LRP5: variants seen among roughly 807,000 people sequenced by gnomAD.
The protein encoded by LRP5 is low-density lipoprotein receptor-related protein 5.
A neutral mutation model predicts 154.1 loss-of-function variants in LRP5; 62 were observed. The observed-to-expected ratio is 0.40, with a 90% CI of 0.33 to 0.50. The LOEUF is 0.50. Among genes scored for constraint, LRP5 ranks in the 20% least tolerant of loss-of-function variants. The pLI, the probability that LRP5 is intolerant of heterozygous loss-of-function variation, is 0.55. For missense variants in LRP5, 1,915 were observed against 2,336.7 expected (o/e 0.82, Z 3.72); for synonymous variants, 966 against 1,011.5 (o/e 0.96, Z 0.85).
At chr11:68,383,276 G>A (rs1204770219) in intron 5 of LRP5, among the ~76,000 whole-genome samples, 3 of 152,216 alleles carry the variant, frequency 2.0e-5, no homozygotes, top group East Asian at 1.9e-4. Context: ...TGGCACTGGC[G>A]TTCTCTGTGG....
chr11:68,442,052 T>TC (rs1384718270), intron 21 of LRP5, among the ~76,000 whole-genome samples: 1 of 152,200 alleles, frequency 6.6e-6, no homozygotes, highest in Non-Finnish European at 1.5e-5. Flanking sequence ...TTCTTCTATG[T>TC]CCCCCCAGGG....
At chr11:68,422,470 G>C (rs2098666320) in intron 13 of LRP5, among the ~76,000 whole-genome samples, 1 of 152,202 alleles carries the variant, frequency 6.6e-6, no homozygotes, top group Non-Finnish European at 1.5e-5. Flanking sequence ...AAAGGAACCA[G>C]ATCCCCGCAG....
At position 68,325,875 on chromosome 11, in the gene LRP5, A is replaced by G. The variant is rs368017257; in HGVS notation, c.91+13070A>G. Among the ~76,000 whole-genome samples the G allele has an allele frequency of 2.1e-3, 324 of 152,334 alleles. 16 individuals carry two copies. The South Asian group carries it at 0.062, about 29-fold the overall frequency. On this transcript the variant is annotated intron_variant, in intron 1 of 22. Coordinates refer to ENST00000294304, the MANE Select transcript of LRP5 (RefSeq NM_002335.4). ...TGAGGCTGCAGAGAGGCAGCGTTGAAAAGTACCTAGCTCAGGGCCTGGCTC... is the reference window on the plus strand; with the variant it reads ...TGAGGCTGCAGAGAGGCAGCGTTGAGAAGTACCTAGCTCAGGGCCTGGCTC...
chr11:68,446,702 C>A (rs952899422), intron 22 of LRP5, among the ~76,000 whole-genome samples, 169 bp downstream of exon 22: 1 of 152,210 alleles, frequency 6.6e-6, no homozygotes, highest in Non-Finnish European at 1.5e-5. Context: ...GGCTGCCTCC[C>A]CAGACAAGCT....
rs1213224630 is a variant in LRP5 at position 68,436,873 on chromosome 11, T to G, written c.4001-16T>G. 1 of 1,604,938 alleles carries G rather than the reference T, an allele frequency of 6.2e-7. No homozygotes were observed. The highest frequency in any genetic ancestry group is 1.1e-5 in the South Asian group (1 of 90,922). ...GCACCCTCCAGCCTCTCTGAGTGCA[T>G]GGCCTCTCCTTGCAGCCATCTGCCT... On this transcript the variant is annotated splice_polypyrimidine_tract_variant and intron_variant, in intron 18 of 22. Coordinates refer to ENST00000294304, the MANE Select transcript of LRP5 (RefSeq NM_002335.4).
rs2153153067 is a variant in LRP5, at chr11:68,386,358, G to A, written c.1058G>A (p.Arg353Gln). 4.3e-6 allele frequency: 7 copies of A among 1,613,334 alleles called. No individual in the cohort carries two copies. The highest frequency in any genetic ancestry group is 1.1e-5 in the South Asian group (1 of 91,070). The part of the protein sequence containing the change: ...VLLLARRTDL[R>Q]RISLDTPDFT... ...CTGCTGGCCCGGCGGACGGACCTAC[G>A]GAGGATCTCGCTGGACACGCCGGAC... The change falls in exon 6 of 23, where the codon CGG becomes CAG. Residue 353 changes from arginine to glutamine, a missense_variant. Transcript: ENST00000294304. This position sits in a 1 kb window ranked among gnomAD's most constrained non-coding sequence, Gnocchi z 7.9.
At chr11:68,310,423 C>A (rs1018378253), upstream of LRP5, among the ~76,000 whole-genome samples, 5 of 152,154 alleles carry the variant, frequency 3.3e-5, no homozygotes, top group South Asian at 8.3e-4. Flanking sequence ...AGTTCAAGAC[C>A]AGCCAGACCA....
rs1428706916 is a variant in LRP5, at chr11:68,439,905, C to A, written c.4477C>A (p.Leu1493Met). Residue 1493 changes from leucine to methionine, a missense_variant, in exon 21 of 23, where the codon CTG becomes ATG. By Grantham distance (15) the Leu-to-Met change is conservative. Coordinates refer to ENST00000294304, the MANE Select transcript of LRP5 (RefSeq NM_002335.4). ...CAGCTCGTCCAGCACGAAGGCCACG[C>A]TGTACCCGCCGGTGAGGGGCGGGGC... ...SSSSSSTKAT[L>M]YPPILNPPPS... is the part of the protein sequence containing the mutation. The A allele has an allele frequency of 3.5e-6, 5 of 1,435,926 alleles. No individual in the cohort carries two copies. Among genetic ancestry groups the A allele is most frequent in the Non-Finnish European group, 2.8e-6 (3 of 1,084,774 alleles). 88.9% of individuals were successfully genotyped at this position (1,435,926 alleles called of 1,614,324 possible).
At chr11:68,348,303 T>G in intron 2 of LRP5, 60 bp downstream of exon 2, 1 of 1,590,862 alleles carries the variant, frequency 6.3e-7, no homozygotes, top group African/African-American at 1.3e-5. Context: ...CATCTCTCTC[T>G]CGAATTTGCA....
At chr11:68,417,898 G>A (rs946086041) in intron 13 of LRP5, among the ~76,000 whole-genome samples, 3 of 152,016 alleles carry the variant, frequency 2.0e-5, no homozygotes, top group Non-Finnish European at 4.4e-5. Context: ...TCACACCATT[G>A]CACTCCAGCC....
chr11:68,398,785 G>A (rs1467431147), intron 7 of LRP5, among the ~76,000 whole-genome samples: 1 of 152,112 alleles, frequency 6.6e-6, no homozygotes, highest in Non-Finnish European at 1.5e-5. Context: ...ACCCAGGCTG[G>A]AGTGCAGTGC....
chr11:68,351,811 CG>C (rs2098618850), intron 2 of LRP5, among the ~76,000 whole-genome samples: 1 of 152,090 alleles, frequency 6.6e-6, no homozygotes, highest in East Asian at 1.9e-4. Context: ...GAGGGGCTTC[CG>C]TCGGAGCTCA....
At chr11:68,446,802 G>A (rs565136661) in intron 22 of LRP5, among the ~76,000 whole-genome samples, 1 of 152,318 alleles carries the variant, frequency 6.6e-6, no homozygotes, top group East Asian at 1.9e-4. Flanking sequence ...TTACTTTTAA[G>A]CTGGGAAATG....
intron 21 of LRP5, among the ~76,000 whole-genome samples, chr11:68,440,588 G>T (rs2098677673): frequency 6.6e-6 from 1 of 152,114 alleles, no homozygotes; most frequent in South Asian, 2.1e-4. Flanking sequence ...TAAACAGCGG[G>T]GGCTGACTTG....
rs937665645 is a variant in LRP5, at chr11:68,448,995, G to A, written c.4773G>A (p.Pro1591=). ...SQYLSAEDSC[P]PSPATERSYF... is the part of the protein sequence containing the mutation. ...ACCTGTCGGCGGAGGACAGCTGCCC[G>A]CCCTCGCCCGCCACCGAGAGGAGCT... The change falls in exon 23 of 23, where the codon CCG becomes CCA. Residue 1591 remains proline (P), a synonymous_variant. Transcript: ENST00000294304. 2.5e-6 allele frequency: 4 copies of A among 1,589,820 alleles called. No homozygotes were observed. Among genetic ancestry groups the A allele is most frequent in the African/African-American group, 1.4e-5 (1 of 72,402 alleles).
At chr11:68,403,802 G>A (rs1240617246) in intron 8 of LRP5, 103 bp downstream of exon 8, 34 of 1,391,246 alleles carry the variant, frequency 2.4e-5, no homozygotes, top group Admixed American at 5.7e-5. Context: ...CAGGTGCCCC[G>A]ACCTGGGGAA....
chr11:68,309,580 CTTTT>C (rs35335751), upstream of LRP5, among the ~76,000 whole-genome samples: 111 of 137,118 alleles, frequency 8.1e-4, no homozygotes, highest in African/African-American at 2.8e-3. Flanking sequence ...CTTCATAATG[CTTTT>C]TTTTTTTTTT....
At chr11:68,323,645 C>G (rs945610447) in intron 1 of LRP5, among the ~76,000 whole-genome samples, 1 of 151,030 alleles carries the variant, frequency 6.6e-6, no homozygotes, top group African/African-American at 2.4e-5. Context: ...ATTTGGAACT[C>G]CTGGGCTTAA....
chr11:68,409,536 G>C (rs1045367608), intron 9 of LRP5, among the ~76,000 whole-genome samples: 1 of 151,768 alleles, frequency 6.6e-6, no homozygotes, highest in Non-Finnish European at 1.5e-5. Context: ...CAAGCATCTC[G>C]GGAGATGTCT....
Sources: gnomAD v4.1 joint callset for allele counts (sites outside exome capture counted in the v4.1 genomes callset) on GRCh38, gnomAD v4.1.1 for gene constraint, Gnocchi (gnomAD v3.1) non-coding constraint, MANE v1.5 for transcripts, NCBI Gene and HGNC (gene_info 2026-07-23, HGNC 2026-07-21) for gene names.